The following ELF1 variants were observed in gnomAD, a reference collection of about 807,000 sequenced individuals.
ELF1 encodes the protein E74 like ETS transcription factor 1.
In ELF1, 24 loss-of-function variants were observed where a neutral mutation model predicts 59.9. The ratio of observed to expected loss-of-function variants is 0.40; its 90% CI spans 0.29 to 0.56. The LOEUF is 0.56. Ranked by LOEUF, ELF1 falls within the 20% of genes least tolerant of loss-of-function variation. The pLI is 0.44. For synonymous variants in ELF1, 248 were observed against 266.2 expected (o/e 0.93, Z 0.67); for missense variants, 627 against 742.2 (o/e 0.84, Z 1.80).
chr13:41,005,450 CAAA>C (rs11383900), intron 1 of ELF1, among the ~76,000 whole-genome samples: 2 of 54,992 alleles, frequency 3.6e-5, no homozygotes, highest in Non-Finnish European at 3.4e-5. Context: ...TATACCTATC[CAAA>C]AAAAAAAAAA....
At chr13:40,989,010 G>T (rs1183372133) in intron 1 of ELF1, among the ~76,000 whole-genome samples, 1 of 152,102 alleles carries the variant, frequency 6.6e-6, no homozygotes, top group African/African-American at 2.4e-5. Context: ...GTTGCCCAAG[G>T]TGGCCTCGAA....
rs190601403 is a variant in ELF1, at chr13:40,950,232, C to T, written c.362-259G>A. Reference sequence around the variant, plus strand: ...TCTCTCCTCTTGATTATTCACATTGCTGTGAGAGTTATTTTCTGAAACCTA... The same window carrying T: ...TCTCTCCTCTTGATTATTCACATTGTTGTGAGAGTTATTTTCTGAAACCTA... On this transcript the variant is annotated intron_variant, in intron 4 of 8. Coordinates refer to ENST00000239882, the MANE Select transcript of ELF1 (RefSeq NM_172373.4). Among the ~76,000 whole-genome samples, 872 of 152,282 alleles carry T rather than the reference C, an allele frequency of 5.7e-3. 8 individuals are homozygous for T. Among genetic ancestry groups the T allele is most frequent in the South Asian group, 0.014 (68 of 4,830 alleles).
chr13:41,034,567 T>G (rs1278830143), intron 1 of ELF1, among the ~76,000 whole-genome samples: 1 of 152,148 alleles, frequency 6.6e-6, no homozygotes, highest in Non-Finnish European at 1.5e-5. Flanking sequence ...AACAAACTGA[T>G]GACATCATGC....
Position 41,046,884 on chromosome 13 carries a change from C to G in ELF1, c.-229+13954G>C, listed in dbSNP as rs9634762. 2.7e-3 allele frequency among the ~76,000 whole-genome samples: 417 copies of G among 152,276 alleles called. 8 individuals carry two copies. The East Asian group carries it at 0.049, about 18-fold the overall frequency. The stretch of plus-strand genomic sequence containing the variant: ...GGATTATATCCTGAAGAGTGTTTTC[C>G]AACTTGGTTCCATTCTCCCCGTCAC... On this transcript the variant is annotated intron_variant, in intron 1 of 1. Transcript: ENST00000405737.
intron 1 of ELF1, among the ~76,000 whole-genome samples, chr13:41,052,599 C>T: frequency 6.6e-6 from 1 of 151,638 alleles, no homozygotes; most frequent in East Asian, 2.0e-4. Flanking sequence ...GCCTGTAATC[C>T]CAGCACTTTA....
At chr13:40,986,100 A>G (rs2138284964) in intron 1 of ELF1, among the ~76,000 whole-genome samples, 1 of 152,348 alleles carries the variant, frequency 6.6e-6, no homozygotes, top group Non-Finnish European at 1.5e-5. Flanking sequence ...TGCCACAGGA[A>G]TACTTAGCAA....
chr13:41,060,985 C>T, exon 1 of ELF1: 1 of 288,400 alleles, frequency 3.5e-6, no homozygotes, highest in Non-Finnish European at 7.0e-6. Context: ...GGAACAAGCC[C>T]CATCCGAGCG....
chr13:41,006,071 C>T (rs1375522236), intron 1 of ELF1, among the ~76,000 whole-genome samples: 1 of 152,150 alleles, frequency 6.6e-6, no homozygotes, highest in Non-Finnish European at 1.5e-5. Context: ...CCTCTCTTTC[C>T]TAAAGAGAAC....
chr13:40,992,751 TC>T, intron 1 of ELF1: 1 of 264,444 alleles, frequency 3.8e-6, no homozygotes, highest in African/African-American at 2.3e-5. Flanking sequence ...GTCTTGAACA[TC>T]CCCTGGAATT....
At chr13:41,029,704 A>T (rs534688164) in intron 1 of ELF1, among the ~76,000 whole-genome samples, 3 of 152,040 alleles carry the variant, frequency 2.0e-5, no homozygotes, top group Non-Finnish European at 4.4e-5. Context: ...CAATCAGTGG[A>T]CTCCATAAGG....
chr13:41,023,930 A>C (rs1875783956), upstream of ELF1, among the ~76,000 whole-genome samples: 1 of 152,206 alleles, frequency 6.6e-6, no homozygotes, highest in Non-Finnish European at 1.5e-5. Flanking sequence ...AAATATCTTT[A>C]AAGACATGAC....
At chr13:41,052,306 A>G (rs1593414780) in intron 1 of ELF1, among the ~76,000 whole-genome samples, 1 of 152,152 alleles carries the variant, frequency 6.6e-6, no homozygotes, top group East Asian at 1.9e-4. Flanking sequence ...AGGAGTGAAC[A>G]CTTCCATTAA....
chr13:41,027,621 G>T (rs999909498), intron 1 of ELF1, among the ~76,000 whole-genome samples: 2 of 152,206 alleles, frequency 1.3e-5, no homozygotes, highest in African/African-American at 4.8e-5. Flanking sequence ...TGTTCTTACT[G>T]CAATAGACAC....
intron 2 of ELF1, among the ~76,000 whole-genome samples, chr13:40,963,033 GC>G (rs1871944277): frequency 6.6e-6 from 1 of 152,144 alleles, no homozygotes; most frequent in African/African-American, 2.4e-5. Context: ...CATTTAATAT[GC>G]ACGAGACATT....
In ELF1 at chr13:40,997,876, C is replaced by T. The variant is rs188349367; in HGVS notation, c.-228-15594G>A. 2.6e-5 allele frequency among the ~76,000 whole-genome samples: 4 copies of T among 152,192 alleles called. No individual in the cohort carries two copies. In the East Asian group the frequency reaches 5.8e-4, roughly 22 times the overall value. On this transcript the variant is annotated intron_variant, in intron 1 of 8. Coordinates refer to ENST00000239882, the MANE Select transcript of ELF1 (RefSeq NM_172373.4). ...CCCAAAAAACAAGAAGCAGGCCAGG[C>T]GCAGTGGCTCATGCACATAATCCCA...
intron 2 of ELF1, among the ~76,000 whole-genome samples, chr13:40,980,408 G>T (rs1392174160): frequency 2.0e-5 from 3 of 152,092 alleles, no homozygotes; most frequent in Non-Finnish European, 4.4e-5. Context: ...TGTACATGCT[G>T]ATGTTAAGCT....
intron 1 of ELF1, among the ~76,000 whole-genome samples, chr13:41,033,542 GCAGGGGT>G (rs1284109456): frequency 1.3e-5 from 2 of 152,168 alleles, no homozygotes; most frequent in African/African-American, 4.8e-5. Flanking sequence ...GTTACATACT[GCAGGGGT>G]CCTCAACCCC....
At chr13:41,049,347 A>G (rs1378665292) in intron 1 of ELF1, among the ~76,000 whole-genome samples, 1 of 152,224 alleles carries the variant, frequency 6.6e-6, no homozygotes, top group Non-Finnish European at 1.5e-5. Flanking sequence ...CCAACATTCA[A>G]GCACCATACT....
rs537982638 is a variant in ELF1 at position 40,998,704 on chromosome 13, CTCAA to C, written c.-228-16426_-228-16423del. On this transcript the variant is annotated intron_variant, in intron 1 of 8. Transcript: ENST00000239882. ...ACTTTCATCTTTCATAATATAATTT[CTCAA>C]TCAATTTTTAAATCAGTTGAATCCA... 8.2e-4 allele frequency among the ~76,000 whole-genome samples: 125 copies of C among 152,186 alleles called. No individual in the cohort carries two copies. In the Middle Eastern group the frequency reaches 0.01, roughly 12 times the overall value.
Sources: allele counts gnomAD v4.1 joint callset (sites outside exome capture counted in the v4.1 genomes callset), GRCh38; gene constraint gnomAD v4.1.1; transcripts MANE v1.5; gene names NCBI Gene and HGNC (gene_info 2026-07-23, HGNC 2026-07-21).